Variants in XRN1 observed in about 807,000 individuals in gnomAD.
The protein encoded by XRN1 is strand-exchange protein 1 homolog.
XRN1 carries 67 observed loss-of-function variants against 222.3 expected under a neutral mutation model. That is an observed-to-expected ratio of 0.30 (90% CI 0.25 to 0.37). The LOEUF (loss-of-function observed/expected upper bound fraction) is 0.37, where lower values mean the gene tolerates loss of function less well. Among genes scored for constraint, XRN1 ranks in the 10% least tolerant of loss-of-function variants. XRN1 has a pLI of 1.00. For missense variants in XRN1, 1,707 were observed against 2,000.2 expected (o/e 0.85, Z 2.80); for synonymous variants, 643 against 652.4 (o/e 0.99, Z 0.22).
chr3:142,377,373 TA>T (rs1360383952), intron 23 of XRN1, among the ~76,000 whole-genome samples: 1 of 152,098 alleles, frequency 6.6e-6, no homozygotes, highest in African/African-American at 2.4e-5. Flanking sequence ...GATTTAGCAA[TA>T]ATGTAATACA....
chr3:142,364,861 T>C (rs1299512350), intron 29 of XRN1, among the ~76,000 whole-genome samples, 186 bp downstream of exon 29: 2 of 151,998 alleles, frequency 1.3e-5, no homozygotes, highest in Non-Finnish European at 2.9e-5. Context: ...GATTATACAA[T>C]AAAAAACAGA....
At chr3:142,378,826 C>T (rs1017129757) in intron 23 of XRN1, among the ~76,000 whole-genome samples, 12 of 152,196 alleles carry the variant, frequency 7.9e-5, no homozygotes, top group African/African-American at 1.7e-4. Flanking sequence ...CACACATCCT[C>T]ACATTATTAA....
In XRN1 at chr3:142,400,549, TTAAAG is replaced by T; in HGVS notation, c.2104-7_2104-3del. ...TGATGAAGCTACATTTTCTACGGTC[TTAAAG>T]TAAAAGCAAAAAAGTTCATTCATGA... On this transcript the variant is annotated splice_polypyrimidine_tract_variant and splice_region_variant and intron_variant, in intron 18 of 40. Coordinates refer to ENST00000392981, the MANE Select transcript of XRN1 (RefSeq NM_001282857.2). 3 of 1,606,256 alleles carry T rather than the reference TTAAAG, an allele frequency of 1.9e-6. No homozygotes were observed. Among genetic ancestry groups the T allele is most frequent in the Non-Finnish European group, 2.5e-6 (3 of 1,176,606 alleles).
rs751363643 is a variant in XRN1 at position 142,332,417 on chromosome 3, C to T, written c.4180G>A (p.Glu1394Lys). The T allele has an allele frequency of 1.6e-5, 25 of 1,612,082 alleles. No individual in the cohort carries two copies. Among genetic ancestry groups the T allele is most frequent in the Non-Finnish European group, 2.0e-5 (24 of 1,178,716 alleles). The change falls in exon 36 of 41, where the codon GAA becomes AAA. Residue 1394 changes from glutamate (E) to lysine (K), a missense_variant. Around this residue, in one of 2 missense-constraint regions of XRN1, gnomAD observed 473 missense variants for 482.0 expected, o/e 0.98. Coordinates refer to ENST00000392981, the MANE Select transcript of XRN1 (RefSeq NM_001282857.2). ...EIPVSSNRRD[E>K]YGLPSQPKQN... Reference sequence around the variant, plus strand: ...TTAGGCTGAGAGGGTAATCCATATTCATCTCTTCTGTTAGAGGAAACAGGG... The same window carrying T: ...TTAGGCTGAGAGGGTAATCCATATTTATCTCTTCTGTTAGAGGAAACAGGG...
intron 12 of XRN1, among the ~76,000 whole-genome samples, 165 bp from the exon 13 acceptor site, chr3:142,417,394 T>A (rs2068828849): frequency 1.3e-5 from 2 of 152,228 alleles, no homozygotes; most frequent in African/African-American, 4.8e-5. Context: ...AAAATATTTT[T>A]AAAAATTACA....
Position 142,312,801 on chromosome 3 carries a change from T to C in XRN1, c.4622-43A>G, listed in dbSNP as rs2065112931. 1.9e-6 allele frequency: 3 copies of C among 1,550,670 alleles called. No individual in the cohort carries two copies. In the East Asian group the frequency reaches 6.8e-5, roughly 35 times the overall value. ...AAATTTTTCTTTTAGTAAAATGGTATCATCAAAGCTCTGAAATTTGAGACC... is the reference window on the plus strand; with the variant it reads ...AAATTTTTCTTTTAGTAAAATGGTACCATCAAAGCTCTGAAATTTGAGACC... On this transcript the variant is annotated intron_variant, in intron 39 of 40. Coordinates refer to ENST00000392981, the MANE Select transcript of XRN1 (RefSeq NM_001282857.2).
chr3:142,426,675 A>G, intron 3 of XRN1, 69 bp downstream of exon 3: 2 of 1,440,826 alleles, frequency 1.4e-6, no homozygotes, highest in East Asian at 2.3e-5. Context: ...AGAAAATAAA[A>G]TACATTTAAA....
intron 2 of XRN1, among the ~76,000 whole-genome samples, chr3:142,427,702 T>C (rs1243434265): frequency 1.3e-5 from 2 of 152,214 alleles, no homozygotes; most frequent in Admixed American, 1.3e-4. Context: ...GCAACAGAAT[T>C]TACTAGAAAG....
At chr3:142,370,332 G>A (rs1217355479) in intron 27 of XRN1, among the ~76,000 whole-genome samples, 153 bp downstream of exon 27, 1 of 152,080 alleles carries the variant, frequency 6.6e-6, no homozygotes, top group Non-Finnish European at 1.5e-5. Context: ...ACTATAAATG[G>A]TTAGAACTTT....
intron 1 of XRN1, among the ~76,000 whole-genome samples, chr3:142,443,889 A>G (rs1247038545): frequency 6.6e-6 from 1 of 152,248 alleles, no homozygotes; most frequent in Non-Finnish European, 1.5e-5. Flanking sequence ...ATGGAGTACT[A>G]TTCAGCCACA....
intron 33 of XRN1, among the ~76,000 whole-genome samples, chr3:142,344,830 T>TAACCTACAGATTGCATTG (rs1461360399): frequency 6.6e-6 from 1 of 152,158 alleles, no homozygotes; most frequent in Non-Finnish European, 1.5e-5. Flanking sequence ...CTACCCAAAG[T>TAACCTACAGATTGCATTG]AACCTACAGA....
At chr3:142,371,733 C>T (rs1024150437) in intron 25 of XRN1, among the ~76,000 whole-genome samples, 1 of 152,172 alleles carries the variant, frequency 6.6e-6, no homozygotes, top group Non-Finnish European at 1.5e-5. Context: ...CCATTTCTTT[C>T]TGAAGAGTGC....
At chr3:142,338,557 C>T (rs2065907682) in intron 33 of XRN1, among the ~76,000 whole-genome samples, 1 of 152,144 alleles carries the variant, frequency 6.6e-6, no homozygotes, top group African/African-American at 2.4e-5. Flanking sequence ...TGAGAGAGTC[C>T]TGCTTGAGAA....
intron 27 of XRN1, among the ~76,000 whole-genome samples, chr3:142,368,777 G>C (rs1390139889): frequency 2.6e-5 from 4 of 152,182 alleles, no homozygotes; most frequent in African/African-American, 9.7e-5. Flanking sequence ...AAGAGAAAAA[G>C]AGTCATCTAG....
chr3:142,387,816 G>A (rs1336046868), intron 20 of XRN1, among the ~76,000 whole-genome samples: 2 of 152,008 alleles, frequency 1.3e-5, no homozygotes, highest in Non-Finnish European at 2.9e-5. Flanking sequence ...AGGAGGATAC[G>A]GGGGTTTATC....
In XRN1 at chr3:142,435,762, C is replaced by CAA. The variant is rs1176485060; in HGVS notation, c.76-2871_76-2870dup. ...ACAGAGTGAAACTGTCCCCACCCCC[C>CAA]AAAAAAAAAAAAAAAAAAAGGCCAG... On this transcript the variant is annotated intron_variant, in intron 1 of 40. Coordinates refer to ENST00000392981, the MANE Select transcript of XRN1 (RefSeq NM_001282857.2). Among the ~76,000 whole-genome samples, 364 of 58,300 alleles carry CAA rather than the reference C, an allele frequency of 6.2e-3. 4 individuals carry two copies. The highest frequency in any genetic ancestry group is 0.021 in the African/African-American group (303 of 14,498). The allele number at this position is 58,300 out of a possible 152,430, so 38.2% of individuals were successfully genotyped here. A position where few individuals can be genotyped will look rare whatever the true frequency, so the allele number is the denominator to read the frequency against.
In XRN1 at chr3:142,418,602, T is replaced by C. The variant is rs751138297; in HGVS notation, c.1248A>G (p.Leu416=). Residue 416 remains leucine, a synonymous_variant, in exon 12 of 41, where the codon TTA becomes TTG. Coordinates refer to ENST00000392981, the MANE Select transcript of XRN1 (RefSeq NM_001282857.2). ...EGEMITSKDN[L]EDETEDDDLF... ...GGTCATCATCTTCAGTCTCATCTTC[T>C]AAATTATCTGGGGAAAAAAGTCAGA... 1 of 1,589,826 alleles carries C rather than the reference T, an allele frequency of 6.3e-7. No homozygotes were observed. Among genetic ancestry groups the C allele is most frequent in the Non-Finnish European group, 8.5e-7 (1 of 1,172,400 alleles).
chr3:142,313,070 G>A, intron 39 of XRN1: 3 of 1,519,174 alleles, frequency 2.0e-6, no homozygotes, highest in Non-Finnish European at 2.7e-6. Flanking sequence ...AAAATAAAAG[G>A]GTCATGAAAT....
At chr3:142,437,278 C>T (rs569428694) in intron 1 of XRN1, among the ~76,000 whole-genome samples, 52 of 152,262 alleles carry the variant, frequency 3.4e-4, no homozygotes, top group African/African-American at 1.2e-3. Context: ...AATTTAACAT[C>T]CAAAATGTTT....
Sources: allele counts gnomAD v4.1 joint callset (sites outside exome capture counted in the v4.1 genomes callset), GRCh38; gene constraint gnomAD v4.1.1; regional missense constraint gnomAD v4.1.1; transcripts MANE v1.5; gene names NCBI Gene and HGNC (gene_info 2026-07-23, HGNC 2026-07-21).